PAN3: variants seen among roughly 807,000 people sequenced by gnomAD.
The protein encoded by PAN3 is poly(A) specific ribonuclease subunit PAN3, also known as PAN2-PAN3 deadenylation complex subunit PAN3.
Under a neutral mutation model 96.2 loss-of-function variants are expected in PAN3, and 19 were observed. The ratio of observed to expected loss-of-function variants is 0.20; its 90% CI spans 0.14 to 0.29. PAN3 has a LOEUF of 0.29. PAN3 is among the 10% of genes least tolerant of loss of function. The pLI, the probability that PAN3 is intolerant of heterozygous loss-of-function variation, is 1.00. For missense variants in PAN3, 882 were observed against 1,108.1 expected, an observed-to-expected ratio of 0.80 and a Z score of 2.90; for synonymous variants, 433 against 406.6, an observed-to-expected ratio of 1.06 and a Z score of -0.78.
chr13:28,176,690 C>T lies in PAN3; in HGVS notation c.619+131C>T. ...AGAAGAAAATAAAAATTATTATCTT[C>T]CCACTCAGATCTAACTATTGAGATT... On this transcript the variant is annotated intron_variant, in intron 3 of 18. Coordinates refer to ENST00000380958, the MANE Select transcript of PAN3 (RefSeq NM_175854.8). The T allele has an allele frequency of 3.4e-6, 3 of 871,388 alleles. No homozygotes were observed. In the South Asian group the frequency reaches 5.0e-5, roughly 15 times the overall value. 54.0% of individuals were successfully genotyped at this position (871,388 alleles called of 1,614,324 possible).
At position 28,190,207 on chromosome 13, in the gene PAN3, A is replaced by G. The variant is rs970939639; in HGVS notation, c.691-6978A>G. On this transcript the variant is annotated intron_variant, in intron 4 of 18. Transcript: ENST00000380958. ...TGATCCGCCCGCGTCGGCCTCCCAAAGTGCTGGGATTACAGACGTGAGCCA... is the reference window on the plus strand; with the variant it reads ...TGATCCGCCCGCGTCGGCCTCCCAAGGTGCTGGGATTACAGACGTGAGCCA... 1.1e-4 allele frequency among the ~76,000 whole-genome samples: 17 copies of G among 152,128 alleles called. No homozygotes were observed. In the East Asian group the frequency reaches 1.2e-3, roughly 10 times the overall value.
intron 6 of PAN3, among the ~76,000 whole-genome samples, chr13:28,244,320 GTTATT>G (rs1348551042): frequency 2.6e-5 from 4 of 152,114 alleles, no homozygotes; most frequent in Admixed American, 1.3e-4. Flanking sequence ...TAGTCTGAGA[GTTATT>G]TTATTTTAAA....
chr13:28,216,455 A>G (rs1880785682), intron 5 of PAN3, among the ~76,000 whole-genome samples: 1 of 152,180 alleles, frequency 6.6e-6, no homozygotes, highest in African/African-American at 2.4e-5. Flanking sequence ...AGAGTTACCA[A>G]AGTTTTAAGT....
intron 10 of PAN3, 32 bp downstream of exon 10, chr13:28,266,908 C>G (rs1174074501): frequency 6.7e-7 from 1 of 1,499,652 alleles, no homozygotes; most frequent in South Asian, 1.4e-5. Flanking sequence ...CTTTTATAAT[C>G]GTATCATTGA....
rs1251111976 is a variant in PAN3, at chr13:28,176,605, C to T, written c.619+46C>T. 11 of 1,552,474 alleles carry T rather than the reference C, an allele frequency of 7.1e-6. 1 individual carries two copies. In the South Asian group the frequency reaches 1.3e-4, roughly 18 times the overall value. On this transcript the variant is annotated intron_variant, in intron 3 of 18. Coordinates refer to ENST00000380958, the MANE Select transcript of PAN3 (RefSeq NM_175854.8). ...CTTATGTGTGTCTGTGTATATATTT[C>T]TTACTCTAAAAGTAATATACAACCA...
At chr13:28,278,801 C>T (rs1887247213) in intron 15 of PAN3, among the ~76,000 whole-genome samples, 1 of 151,878 alleles carries the variant, frequency 6.6e-6, no homozygotes, top group Non-Finnish European at 1.5e-5. Flanking sequence ...CCTGTAATAA[C>T]ATTAAATATG....
chr13:28,291,766 G>A (rs1442276021), intron 18 of PAN3, among the ~76,000 whole-genome samples: 3 of 152,084 alleles, frequency 2.0e-5, no homozygotes, highest in Non-Finnish European at 4.4e-5. Context: ...GGGAGGCAGA[G>A]GTTGCAGTGA....
chr13:28,289,619 C>G (rs1017749735), intron 18 of PAN3, among the ~76,000 whole-genome samples: 4 of 152,198 alleles, frequency 2.6e-5, no homozygotes, highest in African/African-American at 9.6e-5. Context: ...CAGTAGCTCG[C>G]GCCTGTAATC....
At chr13:28,141,537 G>A (rs545429127) in intron 1 of PAN3, among the ~76,000 whole-genome samples, 6 of 132,348 alleles carry the variant, frequency 4.5e-5, no homozygotes, top group East Asian at 2.2e-4. Flanking sequence ...TAGTGATCTC[G>A]GCTCACCGCA....
intron 1 of PAN3, among the ~76,000 whole-genome samples, chr13:28,167,920 C>T (rs890423200): frequency 9.9e-5 from 15 of 152,164 alleles, no homozygotes; most frequent in African/African-American, 3.6e-4. Context: ...ATATAGCATC[C>T]TCAACACTTT....
chr13:28,215,386 G>C, intron 5 of PAN3: 1 of 747,444 alleles, frequency 1.3e-6, no homozygotes, highest in Admixed American at 1.8e-5. Flanking sequence ...GAAGTCTATT[G>C]AAATGCACCA....
chr13:28,278,654 G>T (rs1050770588), intron 15 of PAN3, among the ~76,000 whole-genome samples: 1 of 151,870 alleles, frequency 6.6e-6, no homozygotes, highest in Non-Finnish European at 1.5e-5. Flanking sequence ...CATGTATCGG[G>T]CCCTTTCAAA....
At chr13:28,184,447 C>T (rs1177150865) in intron 4 of PAN3, among the ~76,000 whole-genome samples, 5 of 151,984 alleles carry the variant, frequency 3.3e-5, no homozygotes, top group African/African-American at 1.2e-4. Context: ...ACTGAGTTTA[C>T]TCTAGGGTGA....
intron 6 of PAN3, among the ~76,000 whole-genome samples, chr13:28,233,828 A>T (rs1467505949): frequency 6.6e-6 from 1 of 152,174 alleles, no homozygotes; most frequent in Non-Finnish European, 1.5e-5. Flanking sequence ...GTATTTCTGT[A>T]AAAAGAATAT....
chr13:28,253,179 T>C (rs550164845), intron 6 of PAN3, among the ~76,000 whole-genome samples: 1 of 152,350 alleles, frequency 6.6e-6, no homozygotes, highest in African/African-American at 2.4e-5. Flanking sequence ...TCATTTTAAA[T>C]TAAGAATTCT....
intron 1 of PAN3, among the ~76,000 whole-genome samples, chr13:28,141,003 C>CTTTTTTTTTTTTTT (rs979248659): frequency 6.2e-5 from 7 of 112,912 alleles, no homozygotes; most frequent in East Asian, 3.1e-4. Context: ...GAAAGAGACA[C>CTTTTTTTTTTTTTT]TTTTTTTTTT....
intron 6 of PAN3, among the ~76,000 whole-genome samples, chr13:28,253,330 A>G (rs1441120814): frequency 6.6e-6 from 1 of 152,126 alleles, no homozygotes; most frequent in Non-Finnish European, 1.5e-5. Context: ...GGCACTTAAG[A>G]ATGGGCATCT....
chr13:28,195,531 ATTGT>A (rs1043405356), intron 4 of PAN3, among the ~76,000 whole-genome samples: 1 of 151,312 alleles, frequency 6.6e-6, no homozygotes, highest in African/African-American at 2.4e-5. Context: ...GTTGTTTTTT[ATTGT>A]TTGTTTGTTT....
intron 1 of PAN3, among the ~76,000 whole-genome samples, chr13:28,153,460 A>G (rs1871676519): frequency 6.6e-6 from 1 of 151,854 alleles, no homozygotes; most frequent in Non-Finnish European, 1.5e-5. Context: ...GATGGTCTCA[A>G]TCTCTTGACC....
Sources: allele counts gnomAD v4.1 joint callset (sites outside exome capture counted in the v4.1 genomes callset), GRCh38; gene constraint gnomAD v4.1.1; transcripts MANE v1.5; gene names NCBI Gene and HGNC (gene_info 2026-07-23, HGNC 2026-07-21).